Variants in CSMD1 observed in about 807,000 individuals in gnomAD.
CSMD1 encodes CUB and Sushi multiple domains 1.
In CSMD1, 213 loss-of-function variants were observed where a neutral mutation model predicts 417.5. The ratio of observed to expected loss-of-function variants is 0.51; its 90% CI spans 0.46 to 0.57. The LOEUF (loss-of-function observed/expected upper bound fraction) is 0.57. CSMD1 is among the 20% of genes least tolerant of loss of function. CSMD1 has a pLI of 0.00. For missense variants in CSMD1, 6,923 were observed against 4,529.7 expected, an observed-to-expected ratio of 1.53 and a Z score of -15.17; for synonymous variants, 2,862 against 1,736.8, an observed-to-expected ratio of 1.65 and a Z score of -16.11.
intron 18 of CSMD1, among the ~76,000 whole-genome samples, chr8:3,380,272 C>A (rs560585889): frequency 3.3e-5 from 5 of 152,142 alleles, no homozygotes; most frequent in Non-Finnish European, 7.3e-5. Flanking sequence ...GAAACAGGAA[C>A]ACTTTTACAC....
At chr8:4,577,956 G>C (rs189145578) in intron 2 of CSMD1, among the ~76,000 whole-genome samples, 1 of 152,306 alleles carries the variant, frequency 6.6e-6, no homozygotes, top group Admixed American at 6.5e-5. Context: ...AGAGAAAAAT[G>C]ACATGGGTCT....
chr8:3,325,058 TA>T (rs1262956397), intron 23 of CSMD1, among the ~76,000 whole-genome samples: 7 of 151,978 alleles, frequency 4.6e-5, no homozygotes, highest in African/African-American at 1.7e-4. Context: ...CAGAGAAAAA[TA>T]ACAATTTTGA....
chr8:3,796,844 TTGTCAACA>T (rs1800181682), intron 5 of CSMD1, among the ~76,000 whole-genome samples: 2 of 151,534 alleles, frequency 1.3e-5, no homozygotes, highest in Admixed American at 1.3e-4. Flanking sequence ...AGCTAGGCAA[TTGTCAACA>T]TTTCATTCTA....
chr8:4,183,390 C>G (rs1052330021), intron 3 of CSMD1, among the ~76,000 whole-genome samples: 10 of 152,252 alleles, frequency 6.6e-5, no homozygotes, highest in African/African-American at 2.2e-4. Context: ...AATAAGGAAG[C>G]TGATGTAAAA....
intron 3 of CSMD1, among the ~76,000 whole-genome samples, chr8:4,409,050 C>G (rs1796499806): frequency 1.3e-5 from 2 of 152,160 alleles, no homozygotes; most frequent in Admixed American, 6.5e-5. Flanking sequence ...TTTGGGTGCA[C>G]ATTCGGCATT....
chr8:3,301,233 G>A (rs867557661), intron 25 of CSMD1, among the ~76,000 whole-genome samples: 31 of 152,002 alleles, frequency 2.0e-4, no homozygotes, highest in African/African-American at 7.2e-4. Context: ...GGAGCAGTGG[G>A]TGCAAGGCAG....
intron 3 of CSMD1, among the ~76,000 whole-genome samples, chr8:4,172,958 C>A (rs186996416): frequency 8.5e-5 from 13 of 152,226 alleles, no homozygotes; most frequent in African/African-American, 2.9e-4. Flanking sequence ...AGGGCTGAGG[C>A]AGGCAGCTAA....
At chr8:3,596,369 A>T (rs1230174528) in intron 8 of CSMD1, among the ~76,000 whole-genome samples, 1 of 152,132 alleles carries the variant, frequency 6.6e-6, no homozygotes, top group African/African-American at 2.4e-5. Context: ...ATTACTAACC[A>T]CTCAGGTCAG....
At chr8:3,530,773 C>G (rs1032166235) in intron 10 of CSMD1, among the ~76,000 whole-genome samples, 1 of 152,012 alleles carries the variant, frequency 6.6e-6, no homozygotes, top group Non-Finnish European at 1.5e-5. Context: ...AGGTGATTCT[C>G]CTGCCTTGGC....
At chr8:3,491,714 G>A (rs894007589) in intron 11 of CSMD1, among the ~76,000 whole-genome samples, 4 of 152,184 alleles carry the variant, frequency 2.6e-5, no homozygotes, top group South Asian at 2.1e-4. Context: ...TATCTCATAA[G>A]TAATCAATAA....
chr8:3,845,310 G>A (rs1240352009), intron 5 of CSMD1, among the ~76,000 whole-genome samples: 1 of 152,144 alleles, frequency 6.6e-6, no homozygotes, highest in East Asian at 1.9e-4. Context: ...AGGTGGACTA[G>A]CCTACCACAC....
At chr8:4,291,252 A>G (rs28585544) in intron 3 of CSMD1, among the ~76,000 whole-genome samples, 36,700 of 152,038 alleles carry the variant, frequency 0.24, 4,954 homozygotes, top group East Asian at 0.61. Flanking sequence ...AATATTAAGT[A>G]ATAAAGAAAA....
intron 3 of CSMD1, among the ~76,000 whole-genome samples, chr8:4,328,765 A>G (rs1333596473): frequency 6.6e-6 from 1 of 152,206 alleles, no homozygotes; most frequent in East Asian, 1.9e-4. Context: ...ACATCGTTTA[A>G]GTTAGCAATC....
intron 5 of CSMD1, among the ~76,000 whole-genome samples, chr8:3,939,128 C>A (rs2688305): frequency 6.6e-6 from 1 of 152,038 alleles, no homozygotes; most frequent in East Asian, 1.9e-4. Context: ...TACAGAAAAA[C>A]TGTTCTTGCC....
intron 1 of CSMD1, among the ~76,000 whole-genome samples, chr8:4,735,122 G>C (rs1402280878): frequency 2.0e-5 from 3 of 152,152 alleles, no homozygotes; most frequent in Non-Finnish European, 2.9e-5. Context: ...AGGTATTTTG[G>C]AGCTGGTATT....
intron 2 of CSMD1, among the ~76,000 whole-genome samples, chr8:4,592,669 G>C (rs1342070335): frequency 6.6e-6 from 1 of 152,142 alleles, no homozygotes; most frequent in Non-Finnish European, 1.5e-5. Context: ...TTACCAGCGT[G>C]AGCCACTGTA....
chr8:4,990,875 C>T (rs59462884), intron 1 of CSMD1, among the ~76,000 whole-genome samples: 4,123 of 152,238 alleles, frequency 0.027, 171 homozygotes, highest in African/African-American at 0.094. Context: ...GCGCACCTCT[C>T]TCGCGGTGGA....
chr8:4,594,469 G>C lies in CSMD1; in HGVS notation c.302+42873C>G, dbSNP rs1585303667. On this transcript the variant is annotated intron_variant, in intron 2 of 69. Transcript: ENST00000635120. ...CGCATCTCAGCCTCCCAAAGTGCTG[G>C]GCTTAAAAGTGTGAGCCACCACACC... Among the ~76,000 whole-genome samples the C allele has an allele frequency of 2.6e-5, 4 of 151,994 alleles. No individual in the cohort carries two copies. In the South Asian group the frequency reaches 8.3e-4, roughly 32 times the overall value.
chr8:3,014,377 C>G (rs1346121507), intron 52 of CSMD1, among the ~76,000 whole-genome samples: 1 of 152,084 alleles, frequency 6.6e-6, no homozygotes, highest in Non-Finnish European at 1.5e-5. Flanking sequence ...ATCATCAAGT[C>G]AATTTATGGT....
Sources: gnomAD v4.1 joint callset for allele counts (sites outside exome capture counted in the v4.1 genomes callset) on GRCh38, gnomAD v4.1.1 for gene constraint, MANE v1.5 for transcripts, NCBI Gene and HGNC (gene_info 2026-07-23, HGNC 2026-07-21) for gene names.